Variants in DPYSL2 observed in about 807,000 individuals in gnomAD.
DPYSL2 encodes dihydropyrimidinase like 2, also known as dihydropyrimidinase-related protein 2.
A neutral mutation model predicts 69.9 loss-of-function variants in DPYSL2; 13 were observed. The observed-to-expected ratio is 0.19, with a 90% CI of 0.12 to 0.30. The LOEUF is 0.30. DPYSL2 is among the 10% of genes least tolerant of loss of function. DPYSL2 has a pLI of 1.00. For synonymous variants in DPYSL2, 326 were observed against 359.1 expected, an observed-to-expected ratio of 0.91 and a Z score of 1.04; for missense variants, 587 against 918.9, an observed-to-expected ratio of 0.64 and a Z score of 4.67.
Position 26,582,784 on chromosome 8 carries a change from C to T in DPYSL2, c.443+727C>T, listed in dbSNP as rs1182194591. ...TCTGTTTGAAGACAAACACTGCAGCCAGTGACAGCTTTTAAATAAGCAGCA... is the reference window on the plus strand; with the variant it reads ...TCTGTTTGAAGACAAACACTGCAGCTAGTGACAGCTTTTAAATAAGCAGCA... On this transcript the variant is annotated intron_variant, in intron 2 of 13. Coordinates refer to ENST00000521913, the MANE Select transcript of DPYSL2 (RefSeq NM_001197293.3). This position sits in a 1 kb window ranked among gnomAD's most constrained non-coding sequence, Gnocchi z 4.1. Among the ~76,000 whole-genome samples the T allele has an allele frequency of 6.6e-6, 1 of 152,188 alleles. No individual in the cohort carries two copies.
chr8:26,616,381 A>C (rs1052387851), intron 3 of DPYSL2, among the ~76,000 whole-genome samples: 1 of 152,170 alleles, frequency 6.6e-6, no homozygotes, highest in Admixed American at 6.5e-5. Context: ...TTTGCAGGGC[A>C]TTTTGCAGGG....
At chr8:26,618,626 A>T (rs1309679977) in intron 3 of DPYSL2, among the ~76,000 whole-genome samples, 1 of 150,960 alleles carries the variant, frequency 6.6e-6, no homozygotes, top group South Asian at 2.1e-4. Flanking sequence ...GCTCATGCCT[A>T]TCTTTTTATA....
chr8:26,556,156 TA>T (rs1800955762), intron 1 of DPYSL2, among the ~76,000 whole-genome samples: 1 of 3,086 alleles, frequency 3.2e-4, no homozygotes, highest in Non-Finnish European at 8.5e-4. Flanking sequence ...ATATACTATA[TA>T]TAGTATATAC....
chr8:26,615,564 G>T (rs1802326744), intron 3 of DPYSL2, among the ~76,000 whole-genome samples: 1 of 152,136 alleles, frequency 6.6e-6, no homozygotes, highest in East Asian at 1.9e-4. Flanking sequence ...GGCTAAAGTT[G>T]TCTAGAGGCA....
chr8:26,527,090 G>C (rs1808491015), intron 1 of DPYSL2, among the ~76,000 whole-genome samples: 1 of 152,196 alleles, frequency 6.6e-6, no homozygotes, highest in Non-Finnish European at 1.5e-5. Flanking sequence ...TATTAAATAT[G>C]ACTGGGGAGT....
rs1689103745 is a variant in DPYSL2 at position 26,652,270 on chromosome 8, A to C, written c.1610A>C (p.Asn537Thr). 1.9e-6 allele frequency: 3 copies of C among 1,613,660 alleles called. No homozygotes were observed. The highest frequency in any genetic ancestry group is 2.5e-6 in the Non-Finnish European group (3 of 1,179,818). Residue 537 changes from asparagine (N) to threonine (T), a missense_variant, in exon 12 of 14, where the codon AAC (asparagine) becomes ACC (threonine). Asn to Thr is a moderately conservative substitution (Grantham distance 65). This residue lies in a region of DPYSL2 where 452 missense variants were observed against 754.3 expected (regional missense o/e 0.60). Coordinates refer to ENST00000521913, the MANE Select transcript of DPYSL2 (RefSeq NM_001197293.3). The surrounding 1 kb of genome is among the most constrained non-coding windows in gnomAD (Gnocchi z 6.3). Reference protein sequence around the residue: ...AKTHNSSLEYNIFEGMECRGS... With the variant: ...AKTHNSSLEYTIFEGMECRGS... Reference sequence around the variant, plus strand: ...CCTTCTTCTCAGTCTCTCGAGTACAACATCTTTGAAGGCATGGAGTGCCGC... The same window carrying C: ...CCTTCTTCTCAGTCTCTCGAGTACACCATCTTTGAAGGCATGGAGTGCCGC...
Position 26,604,801 on chromosome 8 carries a change from G to A in DPYSL2, c.629-19342G>A, listed in dbSNP as rs112572480. Reference sequence around the variant, plus strand: ...CTCAGCCTCCCAAGTAGCTGGGATTGCAGGCACATGCCACCACACCTGGCT... The same window carrying A: ...CTCAGCCTCCCAAGTAGCTGGGATTACAGGCACATGCCACCACACCTGGCT... On this transcript the variant is annotated intron_variant, in intron 3 of 13. Transcript: ENST00000521913. Among the ~76,000 whole-genome samples, 259 of 151,916 alleles carry A rather than the reference G, an allele frequency of 1.7e-3. 1 individual carries two copies. Among genetic ancestry groups the A allele is most frequent in the African/African-American group, 5.6e-3 (230 of 41,440 alleles).
chr8:26,532,294 G>A (rs775296150), intron 1 of DPYSL2, among the ~76,000 whole-genome samples: 2 of 152,118 alleles, frequency 1.3e-5, no homozygotes, highest in African/African-American at 2.4e-5. Context: ...AAAAGAAGAG[G>A]GGCAGAGTTT....
At chr8:26,556,167 C>CTATATATAT (rs1563384974) in intron 1 of DPYSL2, among the ~76,000 whole-genome samples, 1 of 16,668 alleles carries the variant, frequency 6.0e-5, no homozygotes, top group African/African-American at 2.0e-4. Context: ...ATAGTATATA[C>CTATATATAT]TATATATAGT....
chr8:26,630,413 C>G (rs1187894743), intron 7 of DPYSL2, among the ~76,000 whole-genome samples: 2 of 151,790 alleles, frequency 1.3e-5, no homozygotes, highest in Non-Finnish European at 2.9e-5. Context: ...TTGTTCCGCC[C>G]TGAAACAGTC....
intron 3 of DPYSL2, among the ~76,000 whole-genome samples, chr8:26,613,206 C>T (rs748710515): frequency 3.3e-5 from 5 of 152,172 alleles, no homozygotes; most frequent in African/African-American, 7.2e-5. Flanking sequence ...GATACATCTG[C>T]GACATCATCT....
chr8:26,611,922 A>G (rs1194950162), intron 3 of DPYSL2, among the ~76,000 whole-genome samples: 1 of 152,206 alleles, frequency 6.6e-6, no homozygotes, highest in African/African-American at 2.4e-5. Context: ...TGCCTAGCCT[A>G]ACAAGGCAGC....
chr8:26,525,692 A>G (rs1178594899), intron 1 of DPYSL2, among the ~76,000 whole-genome samples: 1 of 152,178 alleles, frequency 6.6e-6, no homozygotes, highest in Non-Finnish European at 1.5e-5. Flanking sequence ...ATACACCAGG[A>G]TCAGTTTTTT....
intron 1 of DPYSL2, among the ~76,000 whole-genome samples, chr8:26,579,754 C>T (rs959398657): frequency 3.3e-5 from 5 of 152,138 alleles, no homozygotes; most frequent in African/African-American, 1.2e-4. Context: ...GGGGCACCCA[C>T]CCTTGTGTGT....
At position 26,626,888 on chromosome 8, in the gene DPYSL2, G is replaced by A. The variant is rs1043675569; in HGVS notation, c.855+210G>A. Among the ~76,000 whole-genome samples the A allele has an allele frequency of 7.4e-4, 112 of 152,302 alleles. 1 individual carries two copies. The highest frequency in any genetic ancestry group is 3.4e-3 in the Middle Eastern group (1 of 294). On this transcript the variant is annotated intron_variant, in intron 5 of 13. Coordinates refer to ENST00000521913, the MANE Select transcript of DPYSL2 (RefSeq NM_001197293.3). This position sits in a 1 kb window ranked among gnomAD's most constrained non-coding sequence, Gnocchi z 4.3. Reference sequence around the variant, plus strand: ...ACTGCCACTCCGCCGCCCTGGATCTGAGGCTCTGCCCCGCACGGCGTGTGT... The same window carrying A: ...ACTGCCACTCCGCCGCCCTGGATCTAAGGCTCTGCCCCGCACGGCGTGTGT...
In DPYSL2 at chr8:26,643,775, G is replaced by A. The variant is rs919343738; in HGVS notation, c.1284-175G>A. On this transcript the variant is annotated intron_variant, in intron 9 of 13. Transcript: ENST00000521913. The surrounding 1 kb of genome is among the most constrained non-coding windows in gnomAD (Gnocchi z 6.5). ...TCATTCTAGCACCATTTTGGGAGGG[G>A]ATTCTGGATAAAAACCTGGGCCATG... Among the ~76,000 whole-genome samples, 1 of 152,318 alleles carries A rather than the reference G, an allele frequency of 6.6e-6. No individual in the cohort carries two copies. The highest frequency in any genetic ancestry group is 2.1e-4 in the South Asian group (1 of 4,824).
chr8:26,522,444 T>C lies in DPYSL2; in HGVS notation c.354+7765T>C, dbSNP rs1008335721. Reference sequence around the variant, plus strand: ...CTTCCACACTCTTTTCTGTAGAAGCTGTACCATTTTGCGTTGCCACCAGCA... The same window carrying C: ...CTTCCACACTCTTTTCTGTAGAAGCCGTACCATTTTGCGTTGCCACCAGCA... On this transcript the variant is annotated intron_variant, in intron 1 of 13. Coordinates refer to ENST00000521913, the MANE Select transcript of DPYSL2 (RefSeq NM_001197293.3). Among the ~76,000 whole-genome samples, 11 of 152,384 alleles carry C rather than the reference T, an allele frequency of 7.2e-5. No homozygotes were observed. In the East Asian group the frequency reaches 1.2e-3, roughly 16 times the overall value.
chr8:26,530,406 G>T (rs1800488106), intron 1 of DPYSL2, among the ~76,000 whole-genome samples: 2 of 152,102 alleles, frequency 1.3e-5, no homozygotes, highest in Admixed American at 6.5e-5. Flanking sequence ...ACATTCAATT[G>T]GTCCATGGCA....
intron 3 of DPYSL2, 62 bp downstream of exon 3, chr8:26,584,045 T>G: frequency 2.0e-6 from 3 of 1,521,768 alleles, no homozygotes; most frequent in Non-Finnish European, 2.7e-6. Context: ...CAAATAAGTC[T>G]ATTGTTTGAT....
Sources: allele counts gnomAD v4.1 joint callset (sites outside exome capture counted in the v4.1 genomes callset), GRCh38; gene constraint gnomAD v4.1.1; regional missense constraint gnomAD v4.1.1; non-coding constraint Gnocchi (gnomAD v3.1); transcripts MANE v1.5; gene names NCBI Gene and HGNC (gene_info 2026-07-23, HGNC 2026-07-21).